Variants in ARFGEF1 observed in about 807,000 individuals in gnomAD.
ARFGEF1 encodes ARF guanine nucleotide exchange factor 1, also known as brefeldin A-inhibited guanine nucleotide-exchange protein 1.
Under a neutral mutation model 231.0 loss-of-function variants are expected in ARFGEF1, and 42 were observed. That is an observed-to-expected ratio of 0.18 (90% CI 0.14 to 0.24). The LOEUF is 0.24. Ranked by LOEUF, ARFGEF1 falls within the 10% of genes least tolerant of loss-of-function variation. ARFGEF1 has a pLI of 1.00. For missense variants in ARFGEF1, 1,345 were observed against 2,192.0 expected (o/e 0.61, Z 7.72); for synonymous variants, 710 against 732.3 (o/e 0.97, Z 0.49).
chr8:67,176,214 G>A (rs1055323939), intron 5 of ARFGEF1, among the ~76,000 whole-genome samples: 1 of 152,096 alleles, frequency 6.6e-6, no homozygotes. Context: ...GGCCATCGAG[G>A]TTAACCATGG....
At chr8:67,297,101 GATGTTT>G (rs1806269619) in intron 4 of ARFGEF1, among the ~76,000 whole-genome samples, 1 of 152,134 alleles carries the variant, frequency 6.6e-6, no homozygotes. Context: ...TAAAATATTT[GATGTTT>G]TCCTCACTGC....
At position 67,253,549 on chromosome 8, in the gene ARFGEF1, T is replaced by C; in HGVS notation, c.2600A>G (p.Glu867Gly). The C allele has an allele frequency of 1.3e-6, 2 of 1,587,768 alleles. No individual in the cohort carries two copies. The highest frequency in any genetic ancestry group is 1.7e-6 in the Non-Finnish European group (2 of 1,157,146). ...ATTATAGATGGCTGATAGATACTCTTCAGGAAGGTCTTTACTGTCATTGAT... is the reference window on the plus strand; with the variant it reads ...ATTATAGATGGCTGATAGATACTCTCCAGGAAGGTCTTTACTGTCATTGAT... ...RGINDSKDLP[E>G]EYLSAIYNEI... Residue 867 changes from glutamate to glycine, a missense_variant, in exon 18 of 39, where the codon GAA becomes GGA. This residue lies in a region of ARFGEF1 where 58 missense variants were observed against 133.6 expected (regional missense o/e 0.43). Transcript: ENST00000262215.
chr8:67,236,361 AAAAAATATATATATATATAT>A lies in ARFGEF1; in HGVS notation c.3289+1962_3289+1981del, dbSNP rs1320839215. Among the ~76,000 whole-genome samples the A allele has an allele frequency of 2.0e-3, 86 of 42,078 alleles. 4 individuals are homozygous for A. Among genetic ancestry groups the A allele is most frequent in the African/African-American group, 8.7e-3 (76 of 8,708 alleles). 27.6% of individuals were successfully genotyped at this position (42,078 alleles called of 152,430 possible). A position where few individuals can be genotyped will look rare whatever the true frequency, so the allele number is the denominator to read the frequency against. On this transcript the variant is annotated intron_variant, in intron 22 of 38. Transcript: ENST00000262215. The stretch of plus-strand genomic sequence containing the variant: ...AAAAGATATTAGTTAAAAAAAAAAA[AAAAAATATATATATATATAT>A]ATATATATATATATATATATATATA...
intron 5 of ARFGEF1, among the ~76,000 whole-genome samples, chr8:67,189,407 G>A (rs1835574722): frequency 6.6e-6 from 1 of 152,112 alleles, no homozygotes; most frequent in Admixed American, 6.5e-5. Context: ...GGTACATCCA[G>A]ACAATGCAAT....
intron 1 of ARFGEF1, among the ~76,000 whole-genome samples, chr8:67,329,158 G>A (rs994828129): frequency 4.6e-5 from 7 of 152,184 alleles, no homozygotes; most frequent in Non-Finnish European, 7.4e-5. Context: ...CTCGAGAGGC[G>A]GAGATGGCCG....
chr8:67,321,066 T>C (rs558566763), intron 1 of ARFGEF1, among the ~76,000 whole-genome samples: 1 of 152,008 alleles, frequency 6.6e-6, no homozygotes, highest in South Asian at 2.1e-4. Flanking sequence ...GCCTCCATTC[T>C]GTATCATTCC....
At chr8:67,190,239 C>G (rs1420344886) in intron 5 of ARFGEF1, among the ~76,000 whole-genome samples, 1 of 152,124 alleles carries the variant, frequency 6.6e-6, no homozygotes, top group Non-Finnish European at 1.5e-5. Context: ...TATTATTCAG[C>G]AGTAAAATGT....
intron 32 of ARFGEF1, 81 bp downstream of exon 32, chr8:67,217,701 T>C: frequency 1.4e-6 from 2 of 1,429,374 alleles, no homozygotes; most frequent in African/African-American, 1.4e-5. Context: ...CAGTAGTCAC[T>C]ATCAAACTTT....
At chr8:67,339,347 GAC>G (rs1165968889) in intron 1 of ARFGEF1, among the ~76,000 whole-genome samples, 1 of 151,966 alleles carries the variant, frequency 6.6e-6, no homozygotes, top group East Asian at 1.9e-4. Context: ...GTGTATCAGT[GAC>G]AGTTTCCAAC....
chr8:67,315,173 T>G (rs11776794), intron 1 of ARFGEF1, among the ~76,000 whole-genome samples: 1 of 152,030 alleles, frequency 6.6e-6, no homozygotes, highest in African/African-American at 2.4e-5. Flanking sequence ...ACAAAAGACA[T>G]TACACAATGA....
intron 14 of ARFGEF1, among the ~76,000 whole-genome samples, chr8:67,263,972 A>G (rs1804744978): frequency 6.6e-6 from 1 of 152,128 alleles, no homozygotes. Flanking sequence ...TAAAACACAA[A>G]AGCACAAGAC....
At chr8:67,175,277 A>G, downstream of ARFGEF1, 1 of 1,582,954 alleles carries the variant, frequency 6.3e-7, no homozygotes, top group Non-Finnish European at 8.6e-7. Context: ...TTAGTTATAT[A>G]ACATATTTTT....
At chr8:67,248,128 GA>G (rs1012192159) in intron 19 of ARFGEF1, among the ~76,000 whole-genome samples, 7 of 144,326 alleles carry the variant, frequency 4.9e-5, no homozygotes, top group African/African-American at 1.6e-4. Flanking sequence ...CAGAGAAATA[GA>G]AAAAAAAAAT....
At chr8:67,191,561 TTTC>T (rs1325706053) in intron 5 of ARFGEF1, among the ~76,000 whole-genome samples, 1 of 152,264 alleles carries the variant, frequency 6.6e-6, no homozygotes, top group Non-Finnish European at 1.5e-5. Flanking sequence ...TGGATTTGTC[TTTC>T]TTTTGAAGGT....
At chr8:67,334,801 C>T (rs180914717) in intron 1 of ARFGEF1, among the ~76,000 whole-genome samples, 13 of 152,230 alleles carry the variant, frequency 8.5e-5, no homozygotes, top group African/African-American at 2.6e-4. Flanking sequence ...CAGACACTAA[C>T]GACCACCTGT....
intron 1 of ARFGEF1, among the ~76,000 whole-genome samples, chr8:67,329,529 AAAATAAATAAATAAAT>A (rs755348912): frequency 5.8e-4 from 85 of 146,018 alleles, no homozygotes; most frequent in Middle Eastern, 7.1e-3. Flanking sequence ...ACTCCATCTC[AAAATAAATAAATAAAT>A]AAATAAATAA....
At chr8:67,234,239 C>G in intron 22 of ARFGEF1, among the ~76,000 whole-genome samples, 1 of 152,080 alleles carries the variant, frequency 6.6e-6, no homozygotes, top group Non-Finnish European at 1.5e-5. Context: ...CCCCTGTCCT[C>G]ACAGAGTTAA....
chr8:67,334,979 T>C (rs2128935821), intron 1 of ARFGEF1, among the ~76,000 whole-genome samples: 1 of 152,230 alleles, frequency 6.6e-6, no homozygotes, highest in South Asian at 2.1e-4. Flanking sequence ...ATTCAGTAAA[T>C]TTACCAAAAA....
At chr8:67,200,539 T>C (rs757884761) in intron 37 of ARFGEF1, 26 bp from the exon 38 acceptor site, 4 of 1,420,430 alleles carry the variant, frequency 2.8e-6, no homozygotes, top group Admixed American at 3.4e-5. Context: ...TTTCCTTTAA[T>C]GTTACTTGCG....
Sources: allele counts gnomAD v4.1 joint callset (sites outside exome capture counted in the v4.1 genomes callset), GRCh38; gene constraint gnomAD v4.1.1; regional missense constraint gnomAD v4.1.1; transcripts MANE v1.5; gene names NCBI Gene and HGNC (gene_info 2026-07-23, HGNC 2026-07-21).